The following HTT variants were observed in gnomAD, a reference collection of about 807,000 sequenced individuals.
The protein encoded by HTT is huntingtin.
In HTT, 104 loss-of-function variants were observed where a neutral mutation model predicts 362.3. That is an observed-to-expected ratio of 0.29 (90% CI 0.24 to 0.34). HTT has a LOEUF of 0.34. Ranked by LOEUF, HTT falls within the 10% of genes least tolerant of loss-of-function variation. The pLI is 1.00. For synonymous variants in HTT, 1,577 were observed against 1,548.7 expected, an observed-to-expected ratio of 1.02 and a Z score of -0.43; for missense variants, 3,301 against 3,928.6, an observed-to-expected ratio of 0.84 and a Z score of 4.27.
At chr4:3,213,811 C>T in intron 49 of HTT, 147 bp from the exon 50 acceptor site, 1 of 573,684 alleles carries the variant, frequency 1.7e-6, no homozygotes, top group South Asian at 3.0e-5. Context: ...GTAATGGAGC[C>T]ATGTCAGAGC....
At chr4:3,090,868 T>C (rs1364100739) in intron 2 of HTT, among the ~76,000 whole-genome samples, 1 of 152,176 alleles carries the variant, frequency 6.6e-6, no homozygotes, top group African/African-American at 2.4e-5. Context: ...TCCCAGCACT[T>C]TGGGAGGCTG....
At chr4:3,220,423 T>C (rs1720619007) in intron 53 of HTT, 115 bp downstream of exon 53, 6 of 1,092,738 alleles carry the variant, frequency 5.5e-6, no homozygotes, top group Non-Finnish European at 8.0e-6. Flanking sequence ...TTAAGCATGA[T>C]AATAATACAA....
intron 40 of HTT, 36 bp downstream of exon 40, chr4:3,189,129 G>A (rs373689723): frequency 1.4e-4 from 228 of 1,606,710 alleles, no homozygotes; most frequent in African/African-American, 1.9e-4. Context: ...GGAGTGTCTC[G>A]TTCCCCATTC....
At chr4:3,142,298 TATTATA>T (rs1455023645) in intron 22 of HTT, among the ~76,000 whole-genome samples, 4 of 152,228 alleles carry the variant, frequency 2.6e-5, no homozygotes, top group Non-Finnish European at 5.9e-5. Flanking sequence ...ACCACTGGGG[TATTATA>T]ATTCATTTAT....
In HTT at chr4:3,241,208, C is replaced by CT. The variant is rs1360470871; in HGVS notation, c.*1151dup. The stretch of plus-strand genomic sequence containing the variant: ...GAGCCTCTCTCGGTCAACAGCAAAG[C>CT]TTGGTGTCTTGGCACTGTTAGTGAC... On this transcript the variant is annotated 3_prime_UTR_variant, in exon 67 of 67. Coordinates refer to ENST00000355072, the MANE Select transcript of HTT (RefSeq NM_001388492.1). 1 of 152,388 alleles carries CT rather than the reference C, an allele frequency of 6.6e-6. No homozygotes were observed. Among genetic ancestry groups the CT allele is most frequent in the African/African-American group, 2.4e-5 (1 of 41,466 alleles). The allele number at this position is 152,388 out of a possible 1,614,324, so 9.4% of individuals were successfully genotyped here.
intron 33 of HTT, 49 bp downstream of exon 33, chr4:3,175,156 C>A (rs1306116153): frequency 4.0e-6 from 6 of 1,497,338 alleles, no homozygotes; most frequent in Non-Finnish European, 9.2e-7. Context: ...TAATTTAGTA[C>A]AAATTACCCT....
chr4:3,199,641 C>A, intron 40 of HTT, 91 bp from the exon 41 acceptor site: 2 of 1,140,888 alleles, frequency 1.8e-6, no homozygotes, highest in Non-Finnish European at 2.6e-6. Context: ...GACGACTCAG[C>A]CTGTTTCATT....
At chr4:3,208,979 CAG>C in intron 46 of HTT, 68 bp downstream of exon 46, 1 of 1,493,740 alleles carries the variant, frequency 6.7e-7, no homozygotes, top group Non-Finnish European at 9.0e-7. Context: ...GTGGCAGATA[CAG>C]AGAGTGCAGA....
intron 45 of HTT, 99 bp from the exon 46 acceptor site, chr4:3,208,674 A>T: frequency 8.6e-7 from 1 of 1,156,522 alleles, no homozygotes; most frequent in Non-Finnish European, 1.2e-6. Flanking sequence ...ATCTCCTTAG[A>T]GTGTATATTT....
intron 29 of HTT, among the ~76,000 whole-genome samples, chr4:3,164,390 A>G (rs1717596444): frequency 6.6e-6 from 1 of 152,168 alleles, no homozygotes; most frequent in Non-Finnish European, 1.5e-5. Context: ...TGCTGAGAAG[A>G]ATGTATGTTC....
At chr4:3,200,575 A>G (rs1719480258) in intron 41 of HTT, among the ~76,000 whole-genome samples, 1 of 152,190 alleles carries the variant, frequency 6.6e-6, no homozygotes, top group South Asian at 2.1e-4. Context: ...TGGAAGGCTC[A>G]AGATCCCACG....
At chr4:3,165,235 T>G (rs9993781) in intron 29 of HTT, among the ~76,000 whole-genome samples, 20,899 of 152,196 alleles carry the variant, frequency 0.14, 1,811 homozygotes, top group African/African-American at 0.25. Flanking sequence ...TTAAAGAATG[T>G]TGAATATTGG....
Position 3,074,935 on chromosome 4 carries a change from A to AGCAGCAGCAGCAGC in HTT, c.110_111insGCAGCAGCAGCAGC (p.Pro39GlnfsTer67). On this transcript the variant is annotated frameshift_variant, in exon 1 of 67. Coordinates refer to ENST00000355072, the MANE Select transcript of HTT (RefSeq NM_001388492.1). LOFTEE classifies it high-confidence loss of function. ...CAGCAGCAGCAGCAGCAGCAGCAGC[A>AGCAGCAGCAGCAGC]ACAGCCGCCACCGCCGCCGCCGCCG... 8.0e-7 allele frequency: 1 copy of AGCAGCAGCAGCAGC among 1,242,506 alleles called. No individual in the cohort carries two copies. Among genetic ancestry groups the AGCAGCAGCAGCAGC allele is most frequent in the Non-Finnish European group, 1.1e-6 (1 of 936,358 alleles). 77.0% of individuals were successfully genotyped at this position (1,242,506 alleles called of 1,614,324 possible). A position where few individuals can be genotyped will look rare whatever the true frequency, so the allele number is the denominator to read the frequency against.
At chr4:3,197,670 A>G (rs1314836867) in intron 40 of HTT, among the ~76,000 whole-genome samples, 1 of 151,966 alleles carries the variant, frequency 6.6e-6, no homozygotes, top group Non-Finnish European at 1.5e-5. Flanking sequence ...TCTTAATTCC[A>G]TCTTACACCT....
chr4:3,225,161 G>T (rs893285695), intron 56 of HTT, among the ~76,000 whole-genome samples: 4 of 151,400 alleles, frequency 2.6e-5, no homozygotes, highest in African/African-American at 9.7e-5. Context: ...GCGTGGGGGG[G>T]TGTGAAAGGT....
intron 6 of HTT, among the ~76,000 whole-genome samples, chr4:3,114,203 A>G (rs1714907889): frequency 2.0e-5 from 3 of 152,190 alleles, no homozygotes; most frequent in Non-Finnish European, 4.4e-5. Context: ...CGCTCATGCT[A>G]TTGTTTGTGG....
rs1204589319 is a variant in HTT, at chr4:3,206,639, C to A, written c.5862C>A (p.Ile1954=). Reference sequence around the variant, plus strand: ...ACTCTGCTGCCAGCGGCCTGTTCATCCAGGCAATTCAGTCTCGTTGTGAAA... The same window carrying A: ...ACTCTGCTGCCAGCGGCCTGTTCATACAGGCAATTCAGTCTCGTTGTGAAA... ...HRNSAASGLF[I]QAIQSRCENL... Residue 1954 remains isoleucine, a synonymous_variant, in exon 43 of 67, where the codon ATC becomes ATA. Coordinates refer to ENST00000355072, the MANE Select transcript of HTT (RefSeq NM_001388492.1). The surrounding 1 kb of genome is among the most constrained non-coding windows in gnomAD (Gnocchi z 4.6). 6.2e-7 allele frequency: 1 copy of A among 1,614,164 alleles called. No homozygotes were observed. Among genetic ancestry groups the A allele is most frequent in the South Asian group, 1.1e-5 (1 of 91,084 alleles).
intron 26 of HTT, among the ~76,000 whole-genome samples, chr4:3,150,695 C>T (rs1407604738): frequency 1.3e-5 from 2 of 152,184 alleles, no homozygotes; most frequent in Non-Finnish European, 2.9e-5. Flanking sequence ...CATACATGTA[C>T]ATGCACATAT....
chr4:3,229,157 A>G (rs760031666), intron 59 of HTT, 148 bp downstream of exon 59: 3 of 727,728 alleles, frequency 4.1e-6, no homozygotes, highest in South Asian at 3.6e-5. Flanking sequence ...CACACGCACC[A>G]TAGACACCAC....
Sources: allele counts gnomAD v4.1 joint callset (sites outside exome capture counted in the v4.1 genomes callset), GRCh38; gene constraint gnomAD v4.1.1; non-coding constraint Gnocchi (gnomAD v3.1); transcripts MANE v1.5; gene names NCBI Gene and HGNC (gene_info 2026-07-23, HGNC 2026-07-21).